CDH11: variants seen among roughly 807,000 people sequenced by gnomAD.
The protein encoded by CDH11 is cadherin 11, also known as cadherin-11.
In CDH11, 11 loss-of-function variants were observed where a neutral mutation model predicts 67.8. That is an observed-to-expected ratio of 0.16 (90% CI 0.10 to 0.27). The LOEUF (loss-of-function observed/expected upper bound fraction) is 0.27. Among genes scored for constraint, CDH11 ranks in the 10% least tolerant of loss-of-function variants. CDH11 has a pLI of 1.00. For missense variants in CDH11, 847 were observed against 1,031.2 expected (o/e 0.82, Z 2.45); for synonymous variants, 419 against 400.0 (o/e 1.05, Z -0.57).
At chr16:64,983,538 T>C (rs1400839165) in intron 7 of CDH11, among the ~76,000 whole-genome samples, 1 of 152,210 alleles carries the variant, frequency 6.6e-6, no homozygotes, top group Non-Finnish European at 1.5e-5. Flanking sequence ...GGCTTATTCC[T>C]GATCTAATTT....
intron 2 of CDH11, among the ~76,000 whole-genome samples, chr16:65,029,404 T>A (rs1297553031): frequency 6.6e-6 from 1 of 152,190 alleles, no homozygotes; most frequent in Admixed American, 6.5e-5. Context: ...TTTCAAATAA[T>A]TACAAATTAA....
At chr16:65,081,688 G>A (rs928265221) in intron 1 of CDH11, among the ~76,000 whole-genome samples, 9 of 151,852 alleles carry the variant, frequency 5.9e-5, no homozygotes, top group Admixed American at 6.6e-5. Context: ...ACACCCCCAA[G>A]AGAACCTGAG....
Position 64,982,256 on chromosome 16 carries a change from C to A in CDH11, c.1045G>T (p.Ala349Ser), listed in dbSNP as rs2142460608. ...TTCGGGTCGATGTGCACGTTGGCTG[C>A]CTCTACCTTCAAGCTATAGGCTCTT... ...TKRAYSLKVE[A>S]ANVHIDPKFI... Residue 349 changes from alanine (A) to serine (S), a missense_variant, in exon 8 of 13, where the codon GCA becomes TCA. By Grantham distance (99) the Ala-to-Ser change is moderately conservative (BLOSUM62 1). Transcript: ENST00000268603. 1.9e-6 allele frequency: 3 copies of A among 1,613,256 alleles called. No homozygotes were observed. The highest frequency in any genetic ancestry group is 2.5e-6 in the Non-Finnish European group (3 of 1,179,218).
chr16:65,079,406 G>T (rs1260960722), intron 1 of CDH11, among the ~76,000 whole-genome samples: 1 of 152,098 alleles, frequency 6.6e-6, no homozygotes, highest in Non-Finnish European at 1.5e-5. Context: ...TTTCTAAAAA[G>T]TATTTGTACA....
intron 2 of CDH11, among the ~76,000 whole-genome samples, chr16:65,010,305 A>G (rs1353586316): frequency 6.6e-6 from 1 of 152,138 alleles, no homozygotes; most frequent in East Asian, 1.9e-4. Flanking sequence ...ATCCAATTCT[A>G]TTATGCAAAT....
chr16:65,120,738 T>C (rs2075311701), intron 1 of CDH11, among the ~76,000 whole-genome samples: 1 of 152,176 alleles, frequency 6.6e-6, no homozygotes, highest in Non-Finnish European at 1.5e-5. Context: ...TTCTAGCACC[T>C]AGAAAACCTT....
chr16:65,122,976 C>G (rs1433392807), upstream of CDH11, among the ~76,000 whole-genome samples: 1 of 152,184 alleles, frequency 6.6e-6, no homozygotes. Flanking sequence ...GAGAAAGGGC[C>G]TAATGGGGCG....
At chr16:65,055,619 G>A (rs538759722) in intron 1 of CDH11, among the ~76,000 whole-genome samples, 1 of 152,290 alleles carries the variant, frequency 6.6e-6, no homozygotes, top group East Asian at 1.9e-4. Flanking sequence ...CATACTGATT[G>A]TGTCTCAGAA....
chr16:65,115,570 G>A (rs2142893128), intron 1 of CDH11, among the ~76,000 whole-genome samples: 1 of 151,940 alleles, frequency 6.6e-6, no homozygotes, highest in African/African-American at 2.4e-5. Flanking sequence ...AGAATCCTAG[G>A]ATATAGATAT....
intron 2 of CDH11, among the ~76,000 whole-genome samples, chr16:65,038,596 AG>A (rs1356698241): frequency 2.6e-5 from 4 of 152,218 alleles, no homozygotes; most frequent in African/African-American, 9.6e-5. Context: ...TCTAATTCTA[AG>A]CCTTGCTTCT....
chr16:65,096,272 A>G (rs2074889028), intron 1 of CDH11, among the ~76,000 whole-genome samples: 1 of 152,112 alleles, frequency 6.6e-6, no homozygotes, highest in African/African-American at 2.4e-5. Context: ...TGGACTTTCC[A>G]GCCTCCAGAA....
At chr16:65,011,019 A>G (rs1184209614) in intron 2 of CDH11, among the ~76,000 whole-genome samples, 2 of 148,036 alleles carry the variant, frequency 1.4e-5, no homozygotes, top group Non-Finnish European at 3.0e-5. Flanking sequence ...ATATATGTGT[A>G]TATATATACA....
intron 1 of CDH11, among the ~76,000 whole-genome samples, chr16:65,055,410 C>T (rs983563842): frequency 6.6e-6 from 1 of 152,172 alleles, no homozygotes; most frequent in Admixed American, 6.5e-5. Flanking sequence ...TAAGATTCAG[C>T]GGTATTTGCC....
chr16:65,096,507 A>G (rs983100948), intron 1 of CDH11, among the ~76,000 whole-genome samples: 2 of 150,384 alleles, frequency 1.3e-5, no homozygotes, highest in African/African-American at 4.9e-5. Context: ...ATATATGTGT[A>G]TATATGCATA....
In CDH11 at chr16:64,945,752, A is replaced by C; in HGVS notation, c.*1851T>G. The C allele has an allele frequency of 9.6e-7, 1 of 1,043,542 alleles. No homozygotes were observed. Among genetic ancestry groups the C allele is most frequent in the Non-Finnish European group, 1.2e-6 (1 of 865,458 alleles). The allele number at this position is 1,043,542 out of a possible 1,614,324, so 64.6% of individuals were successfully genotyped here. ...AAATGGAAGTGAGCACTTCATAAAA[A>C]ACATTTCTTTGTATGCATGTTGACT... On this transcript the variant is annotated 3_prime_UTR_variant, in exon 13 of 13. Transcript: ENST00000268603.
intron 6 of CDH11, 131 bp from the exon 7 acceptor site, chr16:64,988,475 G>T: frequency 1.3e-6 from 1 of 775,690 alleles, no homozygotes; most frequent in African/African-American, 1.8e-5. Context: ...AAACATGAAA[G>T]AAGTGAGTGG....
chr16:64,957,524 A>G (rs1198894111), intron 11 of CDH11, among the ~76,000 whole-genome samples: 1 of 151,862 alleles, frequency 6.6e-6, no homozygotes, highest in Non-Finnish European at 1.5e-5. Flanking sequence ...TCTGGCCTAC[A>G]CTGCTTTCCT....
Position 65,071,316 on chromosome 16 carries a change from C to T in CDH11, c.-297-17388G>A, listed in dbSNP as rs544223675. Among the ~76,000 whole-genome samples the T allele has an allele frequency of 3.3e-5, 5 of 151,946 alleles. No homozygotes were observed. In the South Asian group the frequency reaches 1.1e-3, roughly 32 times the overall value. ...AATGCCAGCTTAATTTAGGCAGCTGCACAACACACACGCACACACACAAAC... is the reference window on the plus strand; with the variant it reads ...AATGCCAGCTTAATTTAGGCAGCTGTACAACACACACGCACACACACAAAC... On this transcript the variant is annotated intron_variant, in intron 1 of 12. Coordinates refer to ENST00000268603, the MANE Select transcript of CDH11 (RefSeq NM_001797.4).
rs1049286710 is a variant in CDH11 at position 65,056,248 on chromosome 16, G to A, written c.-297-2320C>T. Among the ~76,000 whole-genome samples, 13 of 152,308 alleles carry A rather than the reference G, an allele frequency of 8.5e-5. No individual in the cohort carries two copies. The South Asian group carries it at 1.5e-3, about 17-fold the overall frequency. On this transcript the variant is annotated intron_variant, in intron 1 of 12. Transcript: ENST00000268603. The stretch of plus-strand genomic sequence containing the variant: ...TGAGAAAGCTCCAGACAGCCAGGAG[G>A]AGAAGCTGTATGGCTGGAGAGAGAG...
Sources: gnomAD v4.1 joint callset for allele counts (sites outside exome capture counted in the v4.1 genomes callset) on GRCh38, gnomAD v4.1.1 for gene constraint, MANE v1.5 for transcripts, NCBI Gene and HGNC (gene_info 2026-07-23, HGNC 2026-07-21) for gene names.